GBF1: variants seen among roughly 807,000 people sequenced by gnomAD.
GBF1 encodes Golgi-specific brefeldin A-resistance guanine nucleotide exchange factor 1.
A neutral mutation model predicts 210.5 loss-of-function variants in GBF1; 114 were observed. That is an observed-to-expected ratio of 0.54 (90% confidence interval 0.47 to 0.63). The LOEUF (loss-of-function observed/expected upper bound fraction) is 0.63. GBF1 is among the 30% of genes least tolerant of loss of function. GBF1 has a pLI of 0.00. For missense variants in GBF1, 1,851 were observed against 2,357.7 expected, an observed-to-expected ratio of 0.79 and a Z score of 4.45; for synonymous variants, 850 against 889.2, an observed-to-expected ratio of 0.96 and a Z score of 0.78.
At chr10:102,240,669 C>T (rs1242542729), upstream of GBF1, among the ~76,000 whole-genome samples, 1 of 152,230 alleles carries the variant, frequency 6.6e-6, no homozygotes, top group Non-Finnish European at 1.5e-5. Context: ...GCACCGCGGA[C>T]ATTCTGTCCG....
rs2059428585 is a variant in GBF1 at position 102,358,722 on chromosome 10, A to C, written c.1004A>C (p.Asp335Ala). Reference sequence around the variant, plus strand: ...GAGCTAGGTGTTCCCGAGCAGCCTGACCTCCAGGTATGGCTTTGATTTTTA... The same window carrying C: ...GAGCTAGGTGTTCCCGAGCAGCCTGCCCTCCAGGTATGGCTTTGATTTTTA... Reference protein sequence around the residue: ...SSELGVPEQPDLQQEGTHVEK... With the variant: ...SSELGVPEQPALQQEGTHVEK... The change falls in exon 10 of 40, where the codon GAC (aspartate) becomes GCC (alanine). Residue 335 changes from aspartate (D) to alanine (A), a missense_variant. Around this residue, in one of 3 missense-constraint regions of GBF1, gnomAD observed 804 missense variants for 958.6 expected, o/e 0.84. Coordinates refer to ENST00000369983, the MANE Select transcript of GBF1 (RefSeq NM_001377137.1). The C allele has an allele frequency of 6.2e-7, 1 of 1,606,280 alleles. No homozygotes were observed. Among genetic ancestry groups the C allele is most frequent in the African/African-American group, 1.3e-5 (1 of 74,614 alleles).
At chr10:102,324,256 G>A (rs2056702706) in intron 3 of GBF1, among the ~76,000 whole-genome samples, 1 of 152,150 alleles carries the variant, frequency 6.6e-6, no homozygotes, top group African/African-American at 2.4e-5. Flanking sequence ...CACACACTAT[G>A]GACGTTGCTC....
rs2060560754 is a variant in GBF1, at chr10:102,377,292, C to G, written c.4494+152C>G. On this transcript the variant is annotated intron_variant, in intron 33 of 39. Transcript: ENST00000369983. ...TTCACAATATTCCCTTACCCAAAAC[C>G]TTACCTGTAAGTCTTTATTTGCTTA... The G allele has an allele frequency of 9.0e-6, 5 of 555,242 alleles. No homozygotes were observed. The South Asian group carries it at 1.3e-4, about 14-fold the overall frequency. 34.4% of individuals were successfully genotyped at this position (555,242 alleles called of 1,614,324 possible).
In GBF1 at chr10:102,317,774, T is replaced by C. The variant is rs111413741; in HGVS notation, c.164-26277T>C. On this transcript the variant is annotated intron_variant, in intron 3 of 39. Transcript: ENST00000369983. ...ATTCTATACATTTTTGCCTCTTCTT[T>C]TATCATGTTATGGGCATTGTCCCAC... Among the ~76,000 whole-genome samples, 10 of 152,316 alleles carry C rather than the reference T, an allele frequency of 6.6e-5. 1 individual carries two copies. The highest frequency in any genetic ancestry group is 2.2e-4 in the African/African-American group (9 of 41,584).
chr10:102,288,482 C>T (rs1200993884), intron 3 of GBF1, among the ~76,000 whole-genome samples: 2 of 152,022 alleles, frequency 1.3e-5, no homozygotes, highest in South Asian at 2.1e-4. Flanking sequence ...GAGGCCGAGG[C>T]GGGCGGATCA....
rs2059934524 is a variant in GBF1 at position 102,366,752 on chromosome 10, A to G, written c.2433+246A>G. On this transcript the variant is annotated intron_variant, in intron 19 of 39. Transcript: ENST00000369983. The surrounding 1 kb of genome is among the most constrained non-coding windows in gnomAD (Gnocchi z 4.0). Reference sequence around the variant, plus strand: ...CAGGCACCTGCCACCAAGCCTGGCTAATTTTTGTATTTTTAGTAGAGATGG... The same window carrying G: ...CAGGCACCTGCCACCAAGCCTGGCTGATTTTTGTATTTTTAGTAGAGATGG... 6.6e-6 allele frequency among the ~76,000 whole-genome samples: 1 copy of G among 151,774 alleles called. No homozygotes were observed. The highest frequency in any genetic ancestry group is 2.4e-5 in the African/African-American group (1 of 41,294).
intron 1 of GBF1, among the ~76,000 whole-genome samples, chr10:102,253,454 T>C (rs1160493417): frequency 6.6e-6 from 1 of 152,222 alleles, no homozygotes; most frequent in Non-Finnish European, 1.5e-5. Flanking sequence ...CAAATTGTTA[T>C]TCAAATTCAT....
chr10:102,301,351 A>G (rs2077329364), intron 3 of GBF1, among the ~76,000 whole-genome samples: 1 of 152,240 alleles, frequency 6.6e-6, no homozygotes. Flanking sequence ...CTTAGTACAG[A>G]ACAAAGTGGA....
At chr10:102,296,700 C>CT in intron 3 of GBF1, among the ~76,000 whole-genome samples, 1 of 143,834 alleles carries the variant, frequency 7.0e-6, no homozygotes, top group East Asian at 2.1e-4. Context: ...GAGATCGTGC[C>CT]ACTGCACTCC....
chr10:102,260,897 G>C (rs915333203), intron 3 of GBF1, among the ~76,000 whole-genome samples: 3 of 152,142 alleles, frequency 2.0e-5, no homozygotes, highest in African/African-American at 7.2e-5. Flanking sequence ...ATGTGTTCTA[G>C]AATCATTTGT....
chr10:102,245,012 G>T (rs2070689385), upstream of GBF1, among the ~76,000 whole-genome samples: 1 of 152,182 alleles, frequency 6.6e-6, no homozygotes, highest in Non-Finnish European at 1.5e-5. Context: ...GGCGAGGAGA[G>T]CAGGGTGTGG....
rs1476762556 is a variant in GBF1, at chr10:102,369,293, G to A, written c.3056G>A (p.Arg1019His). 11 of 1,613,746 alleles carry A rather than the reference G, an allele frequency of 6.8e-6. No individual in the cohort carries two copies. The highest frequency in any genetic ancestry group is 2.7e-5 in the African/African-American group (2 of 74,912). The stretch of plus-strand genomic sequence containing the variant: ...AAGACAGTATTCCATTTGGCCCATC[G>A]TCATGGTGACATCCTGCGGGAGGGC... ...AAKTVFHLAH[R>H]HGDILREGWK... Residue 1019 changes from arginine to histidine, a missense_variant, in exon 24 of 40, where the codon CGT becomes CAT. By Grantham distance (29) the Arg-to-His change is conservative. Coordinates refer to ENST00000369983, the MANE Select transcript of GBF1 (RefSeq NM_001377137.1).
intron 3 of GBF1, among the ~76,000 whole-genome samples, chr10:102,319,690 T>C (rs1258557862): frequency 6.6e-6 from 1 of 151,696 alleles, no homozygotes; most frequent in South Asian, 2.1e-4. Flanking sequence ...TTGTTTATGC[T>C]ATGTCCATTT....
intron 3 of GBF1, among the ~76,000 whole-genome samples, chr10:102,271,283 C>T (rs1383548159): frequency 1.3e-5 from 2 of 152,056 alleles, no homozygotes; most frequent in African/African-American, 4.8e-5. Flanking sequence ...GTGATCTGCC[C>T]GCCTCGGCCT....
chr10:102,360,454 G>A (rs572742292), intron 12 of GBF1, 59 bp downstream of exon 12: 2 of 1,153,848 alleles, frequency 1.7e-6, no homozygotes, highest in East Asian at 2.3e-5. Context: ...GGAACACAGG[G>A]AGGTCTGGCT....
the GBF1 span, chr10:102,231,758 C>A: frequency 2.5e-6 from 4 of 1,607,196 alleles, no homozygotes; most frequent in Non-Finnish European, 3.4e-6. Context: ...TCTGGGGAGC[C>A]GCCGGGCAGC....
At chr10:102,322,256 A>G (rs1230554182) in intron 3 of GBF1, among the ~76,000 whole-genome samples, 1 of 152,224 alleles carries the variant, frequency 6.6e-6, no homozygotes, top group Non-Finnish European at 1.5e-5. Flanking sequence ...TCTTTTTCAA[A>G]GACCTTTAAG....
chr10:102,306,950 G>T (rs946228025), intron 3 of GBF1, among the ~76,000 whole-genome samples: 1 of 151,892 alleles, frequency 6.6e-6, no homozygotes, highest in Admixed American at 6.6e-5. Context: ...ATATTTCAGG[G>T]ATCTATGAGA....
intron 3 of GBF1, among the ~76,000 whole-genome samples, chr10:102,339,793 T>G (rs2058045495): frequency 6.6e-6 from 1 of 152,038 alleles, no homozygotes; most frequent in African/African-American, 2.4e-5. Flanking sequence ...CCAATTTAAT[T>G]TTTATTTTTT....
Sources: allele counts gnomAD v4.1 joint callset (sites outside exome capture counted in the v4.1 genomes callset), GRCh38; gene constraint gnomAD v4.1.1; regional missense constraint gnomAD v4.1.1; non-coding constraint Gnocchi (gnomAD v3.1); transcripts MANE v1.5; gene names NCBI Gene and HGNC (gene_info 2026-07-23, HGNC 2026-07-21).